WBP4: variants seen among roughly 807,000 people sequenced by gnomAD.
The protein encoded by WBP4 is WW domain binding protein 4.
In WBP4, 37 loss-of-function variants were observed where a neutral mutation model predicts 55.4. That is an observed-to-expected ratio of 0.67 (90% CI 0.51 to 0.88). The LOEUF (loss-of-function observed/expected upper bound fraction) is 0.88, where lower values mean the gene tolerates loss of function less well. Among genes scored for constraint, WBP4 ranks in the 40% least tolerant of loss-of-function variants. The pLI is 0.00. For synonymous variants in WBP4, 142 were observed against 140.2 expected, an observed-to-expected ratio of 1.01 and a Z score of -0.09; for missense variants, 398 against 420.8, an observed-to-expected ratio of 0.95 and a Z score of 0.47.
chr13:41,078,648 A>C (rs960737895), intron 8 of WBP4, among the ~76,000 whole-genome samples: 5 of 152,112 alleles, frequency 3.3e-5, no homozygotes, highest in South Asian at 2.1e-4. Flanking sequence ...ACCAACATAG[A>C]GAAACCCCAT....
At chr13:41,075,926 T>C in intron 7 of WBP4, 118 bp from the exon 8 acceptor site, 3 of 1,054,668 alleles carry the variant, frequency 2.8e-6, no homozygotes, top group East Asian at 2.7e-5. Context: ...GATCAAGAGA[T>C]AGTATGAAAT....
At chr13:41,075,635 C>T (rs1359905277) in intron 7 of WBP4, among the ~76,000 whole-genome samples, 1 of 152,170 alleles carries the variant, frequency 6.6e-6, no homozygotes, top group Non-Finnish European at 1.5e-5. Context: ...CCTACCTCGC[C>T]TTTTCAAAGT....
intron 2 of WBP4, among the ~76,000 whole-genome samples, chr13:41,063,338 A>C (rs1464042428): frequency 1.3e-5 from 2 of 152,224 alleles, no homozygotes; most frequent in Non-Finnish European, 2.9e-5. Context: ...TATCTGTTAA[A>C]TATATTTTAT....
chr13:41,065,304 A>AAAC lies in WBP4; in HGVS notation c.262+19_262+20insCAA. On this transcript the variant is annotated intron_variant, in intron 4 of 9. Transcript: ENST00000379487. ...TAGAGTCAGGTAAAAAAAAAAAAAA[A>AAAC]AAAAAAGCAGCCAGCATGTTTTAAA... 1 of 1,563,816 alleles carries AAAC rather than the reference A, an allele frequency of 6.4e-7. No individual in the cohort carries two copies. The highest frequency in any genetic ancestry group is 8.6e-7 in the Non-Finnish European group (1 of 1,164,934).
intron 1 of WBP4, chr13:41,062,376 C>G (rs989001750): frequency 1.2e-6 from 1 of 852,450 alleles, no homozygotes; most frequent in Non-Finnish European, 1.4e-6. Context: ...TTTTTCATAA[C>G]GATGACGATA....
chr13:41,071,585 A>C lies in WBP4; in HGVS notation c.486+12A>C, dbSNP rs532270155. ...GAGACTTAAAAAAGGTAATTGAAGC[A>C]TATTAATAGTGTTTTTGTTTTATTC... On this transcript the variant is annotated intron_variant, in intron 6 of 9. Coordinates refer to ENST00000379487, the MANE Select transcript of WBP4 (RefSeq NM_007187.5). The C allele has an allele frequency of 1.9e-6, 3 of 1,600,778 alleles. No individual in the cohort carries two copies. Among genetic ancestry groups the C allele is most frequent in the South Asian group, 2.3e-5 (2 of 87,848 alleles).
intron 8 of WBP4, among the ~76,000 whole-genome samples, chr13:41,078,617 C>T (rs902621358): frequency 6.6e-6 from 1 of 152,102 alleles, no homozygotes; most frequent in Admixed American, 6.6e-5. Flanking sequence ...CACCTGAGGT[C>T]GAGAGTTAAA....
rs1415073055 is a variant in WBP4 at position 41,076,221 on chromosome 13, C to T, written c.740C>T (p.Pro247Leu). 1.3e-6 allele frequency: 2 copies of T among 1,553,818 alleles called. No individual in the cohort carries two copies. The highest frequency in any genetic ancestry group is 1.4e-5 in the African/African-American group (1 of 69,516). ...EGGVSTETEK[P>L]KIKFKEKNKN... ...GGGGTCTCTACAGAGACAGAAAAGCCAAAAATAAAGTTTAAGGTAGGTTTT... is the reference window on the plus strand; with the variant it reads ...GGGGTCTCTACAGAGACAGAAAAGCTAAAAATAAAGTTTAAGGTAGGTTTT... Residue 247 changes from proline to leucine, a missense_variant, in exon 8 of 10, where the codon CCA (proline) becomes CTA (leucine). Physicochemically the swap from Pro to Leu is moderately conservative, Grantham distance 98. Transcript: ENST00000379487.
chr13:41,062,101 T>TTG, intron 1 of WBP4: 2 of 809,634 alleles, frequency 2.5e-6, no homozygotes, highest in Admixed American at 7.1e-5. Flanking sequence ...TAATGGTTTT[T>TTG]TTTTTTTTTT....
At position 41,065,031 on chromosome 13, in the gene WBP4, GAA is replaced by G. The variant is rs1310299165; in HGVS notation, c.93_94del (p.Gly33LysfsTer4). On this transcript the variant is annotated frameshift_variant, in exon 3 of 10. Transcript: ENST00000379487. LOFTEE classifies it high-confidence loss of function. ...ADNRPSVEFH[E>X]RGKNHKENVA... ...CATTTTCAAGAGTGTTGAATTTCATGAAAGAGGAAAGAATCATAAGGAAAATG... is the reference window on the plus strand; with the variant it reads ...CATTTTCAAGAGTGTTGAATTTCATGAGAGGAAAGAATCATAAGGAAAATG... The G allele has an allele frequency of 6.3e-7, 1 of 1,585,302 alleles. No individual in the cohort carries two copies. The highest frequency in any genetic ancestry group is 1.2e-5 in the South Asian group (1 of 84,120).
intron 7 of WBP4, among the ~76,000 whole-genome samples, chr13:41,075,172 C>G (rs1466267470): frequency 6.6e-6 from 1 of 151,962 alleles, no homozygotes; most frequent in African/African-American, 2.4e-5. Flanking sequence ...TAAAACTCTC[C>G]CAGTTGAAAG....
chr13:41,065,166 T>G lies in WBP4; in HGVS notation c.141T>G (p.Ile47Met), dbSNP rs367545263. 5 of 1,609,716 alleles carry G rather than the reference T, an allele frequency of 3.1e-6. No homozygotes were observed. In the African/African-American group the frequency reaches 5.4e-5, roughly 17 times the overall value. ...KENVAKRISE[I>M]KQKSLDKAKE... is the part of the protein sequence containing the mutation. Reference sequence around the variant, plus strand: ...ACTGTTATGTATGTCTTACATAGATTAAACAGAAAAGCCTGGATAAGGCAA... The same window carrying G: ...ACTGTTATGTATGTCTTACATAGATGAAACAGAAAAGCCTGGATAAGGCAA... The change falls in exon 4 of 10, where the codon ATT becomes ATG. Residue 47 changes from isoleucine to methionine, a missense_variant and splice_region_variant. Coordinates refer to ENST00000379487, the MANE Select transcript of WBP4 (RefSeq NM_007187.5).
intron 6 of WBP4, among the ~76,000 whole-genome samples, chr13:41,071,995 G>A (rs1208047622): frequency 6.8e-6 from 1 of 146,180 alleles, no homozygotes; most frequent in Non-Finnish European, 1.5e-5. Context: ...ACAGTGAGCC[G>A]AGATTGCACC....
chr13:41,072,763 G>A lies in WBP4; in HGVS notation c.487-19G>A. On this transcript the variant is annotated intron_variant, in intron 6 of 9. Coordinates refer to ENST00000379487, the MANE Select transcript of WBP4 (RefSeq NM_007187.5). ...CATGGTTATCCTTAGTTTATGCTGG[G>A]TTTTTTTCCTCCTATTAGACAGCAG... 1.9e-6 allele frequency: 3 copies of A among 1,608,878 alleles called. No individual in the cohort carries two copies. The highest frequency in any genetic ancestry group is 2.5e-6 in the Non-Finnish European group (3 of 1,177,634).
At chr13:41,069,247 C>A (rs1297271300) in intron 5 of WBP4, among the ~76,000 whole-genome samples, 1 of 152,132 alleles carries the variant, frequency 6.6e-6, no homozygotes, top group Non-Finnish European at 1.5e-5. Context: ...AGTGCCATGG[C>A]CAGATGCAGT....
At chr13:41,078,172 C>A (rs76782317) in intron 8 of WBP4, among the ~76,000 whole-genome samples, 9,683 of 152,126 alleles carry the variant, frequency 0.064, 719 homozygotes, top group African/African-American at 0.16. Context: ...AAAAAAGAGC[C>A]TCAATAACCA....
At chr13:41,074,850 C>T (rs1372576028) in intron 7 of WBP4, among the ~76,000 whole-genome samples, 2 of 152,094 alleles carry the variant, frequency 1.3e-5, no homozygotes, top group Admixed American at 1.3e-4. Context: ...CAAAACCTAG[C>T]TGGGCGTGGT....
At chr13:41,068,033 T>C (rs143790151) in intron 4 of WBP4, among the ~76,000 whole-genome samples, 17 of 152,268 alleles carry the variant, frequency 1.1e-4, no homozygotes, top group Non-Finnish European at 2.2e-4. Flanking sequence ...AAGCATGCTT[T>C]CTTTATTTCC....
chr13:41,062,141 G>T, intron 1 of WBP4: 9 of 269,980 alleles, frequency 3.3e-5, no homozygotes, highest in Non-Finnish European at 4.5e-5. Flanking sequence ...CGTCTACGAA[G>T]TCCCATGGCT....
Sources: allele counts gnomAD v4.1 joint callset (sites outside exome capture counted in the v4.1 genomes callset), GRCh38; gene constraint gnomAD v4.1.1; transcripts MANE v1.5; gene names NCBI Gene and HGNC (gene_info 2026-07-23, HGNC 2026-07-21).